Variants in LCMT1 observed in about 807,000 individuals in gnomAD.
The protein encoded by LCMT1 is leucine carboxyl methyltransferase 1.
LCMT1 carries 32 observed loss-of-function variants against 47.7 expected under a neutral mutation model. The ratio of observed to expected loss-of-function variants is 0.67; its 90% CI spans 0.51 to 0.90. LCMT1 has a LOEUF of 0.90. Among genes scored for constraint, LCMT1 ranks in the 40% least tolerant of loss-of-function variants. The pLI is 0.00. For missense variants in LCMT1, 375 were observed against 415.2 expected, an observed-to-expected ratio of 0.90 and a Z score of 0.84; for synonymous variants, 152 against 149.7, an observed-to-expected ratio of 1.02 and a Z score of -0.11.
intron 1 of LCMT1, among the ~76,000 whole-genome samples, chr16:25,119,063 C>T (rs1223405763): frequency 6.6e-6 from 1 of 152,018 alleles, no homozygotes; most frequent in African/African-American, 2.4e-5. Flanking sequence ...TGGGGGTGTC[C>T]CCTGTGAGAC....
At chr16:25,172,945 G>A (rs1049534126) in intron 9 of LCMT1, among the ~76,000 whole-genome samples, 6 of 152,210 alleles carry the variant, frequency 3.9e-5, no homozygotes, top group African/African-American at 1.4e-4. Flanking sequence ...TTGCCTCCAG[G>A]CAGTCATTTG....
At chr16:25,122,815 A>G (rs1402045525) in intron 1 of LCMT1, among the ~76,000 whole-genome samples, 1 of 150,314 alleles carries the variant, frequency 6.7e-6, no homozygotes, top group Non-Finnish European at 1.5e-5. Context: ...CAGAAATTGT[A>G]AATCTTTTTT....
chr16:25,121,203 G>GGATCACGAGGTCAGGA lies in LCMT1; in HGVS notation c.114-7269_114-7268insCACGAGGTCAGGAGAT, dbSNP rs543597189. Among the ~76,000 whole-genome samples, 1,302 of 151,780 alleles carry GGATCACGAGGTCAGGA rather than the reference G, an allele frequency of 8.6e-3. 20 individuals are homozygous for GGATCACGAGGTCAGGA. The highest frequency in any genetic ancestry group is 0.03 in the African/African-American group (1,248 of 41,400). On this transcript the variant is annotated intron_variant, in intron 1 of 10. Coordinates refer to ENST00000399069, the MANE Select transcript of LCMT1 (RefSeq NM_016309.3). Reference sequence around the variant, plus strand: ...AGCACTTTGGGAGGCCGAGGCAGGTGGATTGAGACCATCCTGGCCAACATG... The same window carrying GGATCACGAGGTCAGGA: ...AGCACTTTGGGAGGCCGAGGCAGGTGGATCACGAGGTCAGGAGATTGAGACCATCCTGGCCAACATG...
intron 6 of LCMT1, among the ~76,000 whole-genome samples, chr16:25,163,919 G>A (rs1277160789): frequency 1.3e-5 from 2 of 152,170 alleles, no homozygotes; most frequent in Non-Finnish European, 2.9e-5. Context: ...TTACTTAGCT[G>A]GAGGTTCTTC....
intron 5 of LCMT1, among the ~76,000 whole-genome samples, chr16:25,154,736 C>T (rs1961200113): frequency 6.6e-6 from 1 of 151,988 alleles, no homozygotes; most frequent in African/African-American, 2.4e-5. Context: ...GATCCACCGG[C>T]CTCGGCCTCC....
At chr16:25,177,229 C>G (rs1214606645) in intron 10 of LCMT1, among the ~76,000 whole-genome samples, 1 of 151,990 alleles carries the variant, frequency 6.6e-6, no homozygotes, top group East Asian at 1.9e-4. Flanking sequence ...TTATCCTCCT[C>G]TTAATTATAT....
intron 1 of LCMT1, among the ~76,000 whole-genome samples, chr16:25,124,639 C>T (rs1960104011): frequency 6.6e-6 from 1 of 152,146 alleles, no homozygotes; most frequent in Non-Finnish European, 1.5e-5. Flanking sequence ...GCAGGGAGGC[C>T]CCTTTTCATT....
intron 5 of LCMT1, among the ~76,000 whole-genome samples, chr16:25,160,156 C>G (rs990884147): frequency 1.3e-5 from 2 of 152,070 alleles, no homozygotes; most frequent in African/African-American, 2.4e-5. Flanking sequence ...ACCATGTTGG[C>G]CAGGATGGTC....
intron 10 of LCMT1, among the ~76,000 whole-genome samples, chr16:25,176,206 C>T (rs895219806): frequency 2.6e-5 from 4 of 152,142 alleles, no homozygotes; most frequent in Admixed American, 2.6e-4. Context: ...TTTTCAGCTG[C>T]CCCCTGCTGG....
intron 10 of LCMT1, 71 bp downstream of exon 10, chr16:25,175,105 CTCTT>C (rs1961891317): frequency 1.2e-6 from 1 of 823,370 alleles, no homozygotes; most frequent in Non-Finnish European, 2.0e-6. Context: ...CTTTCCCTTT[CTCTT>C]TCTGTTTTTT....
chr16:25,132,625 A>G, intron 3 of LCMT1, 102 bp downstream of exon 3: 4 of 1,307,626 alleles, frequency 3.1e-6, no homozygotes, highest in South Asian at 2.8e-5. Context: ...TTATGCAGCG[A>G]AAGCCTGTCT....
intron 1 of LCMT1, among the ~76,000 whole-genome samples, chr16:25,117,846 C>T (rs558689915): frequency 6.0e-5 from 9 of 148,892 alleles, no homozygotes; most frequent in African/African-American, 1.7e-4. Context: ...AGAGAGACTC[C>T]GTCTCAAAAA....
chr16:25,173,338 G>A lies in LCMT1; in HGVS notation c.885-1599G>A, dbSNP rs111534510. 8.1e-3 allele frequency among the ~76,000 whole-genome samples: 1,235 copies of A among 152,308 alleles called. 11 individuals carry two copies. The highest frequency in any genetic ancestry group is 0.01 in the Non-Finnish European group (683 of 68,034). On this transcript the variant is annotated intron_variant, in intron 9 of 10. Transcript: ENST00000399069. ...TAACCATCCTGGAGCCTTCAGTATG[G>A]TACTGGATTTTTCTAGAACTTGGTA...
chr16:25,126,409 C>G (rs907045664), intron 1 of LCMT1, among the ~76,000 whole-genome samples: 1 of 152,300 alleles, frequency 6.6e-6, no homozygotes, highest in African/African-American at 2.4e-5. Context: ...CCTGCCCTTC[C>G]TTCTGTCTGG....
At chr16:25,134,288 AGT>A (rs200884431) in intron 3 of LCMT1, among the ~76,000 whole-genome samples, 1,567 of 152,304 alleles carry the variant, frequency 0.01, 20 homozygotes, top group Middle Eastern at 0.041. Context: ...ACTTCAACAG[AGT>A]GTGGGTATTT....
intron 4 of LCMT1, chr16:25,147,148 C>G (rs1269547311): frequency 6.6e-6 from 1 of 152,244 alleles, no homozygotes; most frequent in East Asian, 1.9e-4. Context: ...ACAAATTCAT[C>G]TCTAAACTTA....
At chr16:25,123,829 G>A (rs1468469559) in intron 1 of LCMT1, among the ~76,000 whole-genome samples, 4 of 151,366 alleles carry the variant, frequency 2.6e-5, no homozygotes, top group African/African-American at 7.3e-5. Flanking sequence ...GGCTGGTCTC[G>A]AACTCCTGAC....
chr16:25,120,922 A>ATTT (rs56817833), intron 1 of LCMT1, among the ~76,000 whole-genome samples: 1 of 97,402 alleles, frequency 1.0e-5, no homozygotes, highest in South Asian at 3.3e-4. Context: ...CTGATTTTGT[A>ATTT]TTTTTTTTTT....
chr16:25,111,854 C>T lies in LCMT1; in HGVS notation c.-30C>T, dbSNP rs765249291. On this transcript the variant is annotated 5_prime_UTR_variant, in exon 1 of 11. Transcript: ENST00000399069. ...GTCGACCCCGCTTCCATGTCCCTGG[C>T]GGACACAGCTCCCAGGAACCTCCAC... 4.0e-6 allele frequency: 6 copies of T among 1,486,590 alleles called. No individual in the cohort carries two copies. The East Asian group carries it at 1.1e-4, about 28-fold the overall frequency. The allele number at this position is 1,486,590 out of a possible 1,614,324, so 92.1% of individuals were successfully genotyped here.
Sources: gnomAD v4.1 joint callset for allele counts (sites outside exome capture counted in the v4.1 genomes callset) on GRCh38, gnomAD v4.1.1 for gene constraint, MANE v1.5 for transcripts, NCBI Gene and HGNC (gene_info 2026-07-23, HGNC 2026-07-21) for gene names.